Variants in USP39 observed in about 807,000 individuals in gnomAD.
The protein encoded by USP39 is ubiquitin carboxyl-terminal hydrolase 39.
In USP39, 38 loss-of-function variants were observed where a neutral mutation model predicts 66.4. That is an observed-to-expected ratio of 0.57 (90% CI 0.44 to 0.75). The LOEUF (loss-of-function observed/expected upper bound fraction) is 0.75. USP39 is among the 30% of genes least tolerant of loss of function. USP39 has a pLI of 0.00. For missense variants in USP39, 608 were observed against 714.4 expected, an observed-to-expected ratio of 0.85 and a Z score of 1.70; for synonymous variants, 303 against 274.6, an observed-to-expected ratio of 1.10 and a Z score of -1.02.
At chr2:85,622,283 G>T (rs1674522862) in intron 3 of USP39, among the ~76,000 whole-genome samples, 1 of 151,372 alleles carries the variant, frequency 6.6e-6, no homozygotes, top group African/African-American at 2.4e-5. Flanking sequence ...CATCACACCC[G>T]GCTAATTTTA....
chr2:85,645,072 G>A lies in USP39; in HGVS notation c.1552G>A (p.Val518Met). 2 of 1,614,112 alleles carry A rather than the reference G, an allele frequency of 1.2e-6. No individual in the cohort carries two copies. The highest frequency in any genetic ancestry group is 1.7e-6 in the Non-Finnish European group (2 of 1,180,030). ...CTCCGAGGGCTCCTACCGGATCCAC[G>A]TGCTTCATCATGTGAGTGGCTGCTG... Reference protein sequence around the residue: ...KPSEGSYRIHVLHHGTGKWYE... With the variant: ...KPSEGSYRIHMLHHGTGKWYE... The change falls in exon 11 of 13, where the codon GTG becomes ATG. Residue 518 changes from valine (V) to methionine (M), a missense_variant. By Grantham distance (21) the Val-to-Met change is conservative. Coordinates refer to ENST00000323701, the MANE Select transcript of USP39 (RefSeq NM_006590.4).
intron 5 of USP39, among the ~76,000 whole-genome samples, chr2:85,628,647 T>C (rs530106278): frequency 9.2e-5 from 14 of 152,208 alleles, no homozygotes; most frequent in Non-Finnish European, 2.1e-4. Context: ...AATTCTTCTC[T>C]GAGGATGACC....
chr2:85,648,407 G>A (rs191837201), intron 12 of USP39, among the ~76,000 whole-genome samples: 2 of 152,194 alleles, frequency 1.3e-5, no homozygotes, highest in Admixed American at 6.5e-5. Context: ...TCTACTTGAC[G>A]TTTGTTTTAG....
rs1676848344 is a variant in USP39, at chr2:85,648,874, T to C, written c.*66T>C. On this transcript the variant is annotated 3_prime_UTR_variant, in exon 13 of 13. Coordinates refer to ENST00000323701, the MANE Select transcript of USP39 (RefSeq NM_006590.4). ...TGATGGTAAATAAGAACACAGAAGC[T>C]GTAGCTGAACACAGGCTGGCTGGTG... The C allele has an allele frequency of 6.3e-7, 1 of 1,596,514 alleles. No homozygotes were observed. Among genetic ancestry groups the C allele is most frequent in the African/African-American group, 1.3e-5 (1 of 74,298 alleles).
At chr2:85,641,593 AG>A (rs1159004406) in intron 10 of USP39, among the ~76,000 whole-genome samples, 1 of 152,120 alleles carries the variant, frequency 6.6e-6, no homozygotes, top group Non-Finnish European at 1.5e-5. Flanking sequence ...TCAAGAGACA[AG>A]GTTTTTCATA....
chr2:85,613,952 T>TGG (rs59505503), upstream of USP39, among the ~76,000 whole-genome samples: 8 of 150,548 alleles, frequency 5.3e-5, no homozygotes, highest in African/African-American at 1.5e-4. Flanking sequence ...TTTGTGGAGA[T>TGG]GGGGGGGGTC....
chr2:85,608,285 G>C (rs1393859735), upstream of USP39: 1 of 152,216 alleles, frequency 6.6e-6, no homozygotes, highest in African/African-American at 2.4e-5. Context: ...AGGGAGACAT[G>C]CTTGCAAATA....
chr2:85,609,368 A>T, upstream of USP39: 4 of 1,571,648 alleles, frequency 2.5e-6, no homozygotes, highest in Non-Finnish European at 3.5e-6. Flanking sequence ...AACAGGGCTC[A>T]GGGTCTGACA....
rs148201592 is a variant in USP39, at chr2:85,632,377, C to T, written c.949+1431C>T. ...TCAAGGCTACAGTGAGCTATGATTA[C>T]ACCACTGCACTCCAGCTGGGGAACG... is the stretch of plus-strand genomic sequence containing the variant. On this transcript the variant is annotated intron_variant, in intron 6 of 12. Transcript: ENST00000323701. Among the ~76,000 whole-genome samples, 816 of 151,998 alleles carry T rather than the reference C, an allele frequency of 5.4e-3. 12 individuals carry two copies. The highest frequency in any genetic ancestry group is 9.2e-3 in the Non-Finnish European group (626 of 67,990).
Position 85,648,966 on chromosome 2 carries a change from T to C in USP39, c.*158T>C, listed in dbSNP as rs1377362312. 5.1e-6 allele frequency: 4 copies of C among 779,764 alleles called. No individual in the cohort carries two copies. The East Asian group carries it at 9.8e-5, about 19-fold the overall frequency. The allele number at this position is 779,764 out of a possible 1,614,324, so 48.3% of individuals were successfully genotyped here. A position where few individuals can be genotyped will look rare whatever the true frequency, so the allele number is the denominator to read the frequency against. The stretch of plus-strand genomic sequence containing the variant: ...CCAGAGCACCAAGAGCCCACTTGCC[T>C]GGGATGGCCCCACACTGTCACTCAG... On this transcript the variant is annotated 3_prime_UTR_variant, in exon 13 of 13. Coordinates refer to ENST00000323701, the MANE Select transcript of USP39 (RefSeq NM_006590.4).
intron 11 of USP39, 47 bp from the exon 12 acceptor site, chr2:85,647,883 T>G: frequency 1.3e-6 from 2 of 1,578,288 alleles, no homozygotes; most frequent in Non-Finnish European, 1.7e-6. Flanking sequence ...TCTACACCCT[T>G]TTGGTTTTAG....
At chr2:85,608,862 C>A (rs971980144), upstream of USP39, 3 of 1,569,306 alleles carry the variant, frequency 1.9e-6, no homozygotes, top group Non-Finnish European at 2.6e-6. Flanking sequence ...ACAAACTGGT[C>A]CTGGTACCCC....
chr2:85,611,559 C>G (rs1426855284), upstream of USP39: 3 of 1,550,916 alleles, frequency 1.9e-6, no homozygotes, highest in African/African-American at 2.7e-5. Context: ...CGGAAAGAGA[C>G]GAGATGAGCT....
intron 2 of USP39, among the ~76,000 whole-genome samples, chr2:85,619,648 TCATC>T (rs1674295243): frequency 4.0e-5 from 6 of 151,618 alleles, no homozygotes; most frequent in Admixed American, 1.3e-4. Context: ...GTAGTTTACC[TCATC>T]ATAGCATTCT....
At position 85,647,910 on chromosome 2, in the gene USP39, G is replaced by T; in HGVS notation, c.1564-20G>T. On this transcript the variant is annotated intron_variant, in intron 11 of 12. Coordinates refer to ENST00000323701, the MANE Select transcript of USP39 (RefSeq NM_006590.4). Reference sequence around the variant, plus strand: ...TGGTTTTAGAGAGCAGACTAACCCAGCTCTTCATACTTTCTGCAGGGGACA... The same window carrying T: ...TGGTTTTAGAGAGCAGACTAACCCATCTCTTCATACTTTCTGCAGGGGACA... 6.2e-7 allele frequency: 1 copy of T among 1,613,508 alleles called. No homozygotes were observed. Among genetic ancestry groups the T allele is most frequent in the Non-Finnish European group, 8.5e-7 (1 of 1,179,658 alleles).
chr2:85,611,642 G>T (rs773111916), upstream of USP39: 6 of 1,567,116 alleles, frequency 3.8e-6, no homozygotes, highest in Admixed American at 9.7e-5. Flanking sequence ...GCGCGGGCTG[G>T]AGGCAGGCGG....
In USP39 at chr2:85,639,190, C is replaced by A. The variant is rs1240570038; in HGVS notation, c.1096-13C>A. On this transcript the variant is annotated splice_polypyrimidine_tract_variant and intron_variant, in intron 8 of 12. Coordinates refer to ENST00000323701, the MANE Select transcript of USP39 (RefSeq NM_006590.4). Reference sequence around the variant, plus strand: ...ACACTCCTTTCCTCTCTTTTCTTCTCATTCATTTCTAGCCAGCAGAAGAAA... The same window carrying A: ...ACACTCCTTTCCTCTCTTTTCTTCTAATTCATTTCTAGCCAGCAGAAGAAA... 1 of 1,607,812 alleles carries A rather than the reference C, an allele frequency of 6.2e-7. No homozygotes were observed. Among genetic ancestry groups the A allele is most frequent in the South Asian group, 1.1e-5 (1 of 90,564 alleles).
chr2:85,603,581 T>TA (rs376270607), intron 1 of USP39, among the ~76,000 whole-genome samples: 1 of 151,912 alleles, frequency 6.6e-6, no homozygotes, highest in Non-Finnish European at 1.5e-5. Context: ...CTTTTTTTTT[T>TA]ACTTTTTCTT....
chr2:85,612,039 C>A (rs1409416424), upstream of USP39: 2 of 1,294,048 alleles, frequency 1.5e-6, no homozygotes, highest in East Asian at 5.1e-5. Flanking sequence ...CAACAGCCAC[C>A]CGCCCACAGA....
Sources: gnomAD v4.1 joint callset for allele counts (sites outside exome capture counted in the v4.1 genomes callset) on GRCh38, gnomAD v4.1.1 for gene constraint, MANE v1.5 for transcripts, NCBI Gene and HGNC (gene_info 2026-07-23, HGNC 2026-07-21) for gene names.